CACNA2D1: variants seen among roughly 807,000 people sequenced by gnomAD.
The protein encoded by CACNA2D1 is voltage-dependent calcium channel subunit alpha-2/delta-1.
CACNA2D1 carries 53 observed loss-of-function variants against 171.5 expected under a neutral mutation model. The observed-to-expected ratio is 0.31, with a 90% confidence interval of 0.25 to 0.39. The LOEUF is 0.39. Ranked by LOEUF, CACNA2D1 falls within the 10% of genes least tolerant of loss-of-function variation. The pLI is 1.00. For missense variants in CACNA2D1, 903 were observed against 1,299.8 expected (o/e 0.69, Z 4.69); for synonymous variants, 442 against 443.1 (o/e 1.00, Z 0.03).
chr7:82,251,440 T>G (rs904625753), intron 3 of CACNA2D1, among the ~76,000 whole-genome samples: 1 of 152,160 alleles, frequency 6.6e-6, no homozygotes, highest in Non-Finnish European at 1.5e-5. Flanking sequence ...AACTTAAGAT[T>G]TGTGCATTTC....
chr7:82,092,343 T>C (rs1411800238), intron 6 of CACNA2D1, among the ~76,000 whole-genome samples: 1 of 152,060 alleles, frequency 6.6e-6, no homozygotes, highest in East Asian at 1.9e-4. Context: ...CTGAAGAAAA[T>C]ACAATATCTT....
At chr7:82,104,824 T>A (rs559354288) in intron 6 of CACNA2D1, among the ~76,000 whole-genome samples, 1 of 152,246 alleles carries the variant, frequency 6.6e-6, no homozygotes, top group Non-Finnish European at 1.5e-5. Flanking sequence ...GTGATGTGAC[T>A]ACAATATATC....
At chr7:82,071,460 C>A (rs1808309838) in intron 7 of CACNA2D1, among the ~76,000 whole-genome samples, 1 of 151,998 alleles carries the variant, frequency 6.6e-6, no homozygotes, top group Non-Finnish European at 1.5e-5. Context: ...TATATTTGGG[C>A]AGCAATGGGA....
chr7:82,382,638 G>T (rs1000340708), intron 1 of CACNA2D1, among the ~76,000 whole-genome samples: 1 of 152,162 alleles, frequency 6.6e-6, no homozygotes, highest in African/African-American at 2.4e-5. Flanking sequence ...ATCAGAGAAT[G>T]ACCTTTTATT....
At chr7:81,989,272 C>A (rs1359106051) in intron 21 of CACNA2D1, among the ~76,000 whole-genome samples, 1 of 152,150 alleles carries the variant, frequency 6.6e-6, no homozygotes, top group Admixed American at 6.6e-5. Context: ...CCACTGATGG[C>A]CGTGCCAGAC....
chr7:82,295,341 A>ATTT (rs10645184), intron 3 of CACNA2D1, among the ~76,000 whole-genome samples: 2,586 of 145,794 alleles, frequency 0.018, 67 homozygotes, highest in Middle Eastern at 0.068. Flanking sequence ...AGTAGCTTGT[A>ATTT]TTTTTTTTTT....
intron 10 of CACNA2D1, among the ~76,000 whole-genome samples, chr7:82,052,024 A>AT (rs1399356724): frequency 2.0e-5 from 3 of 152,218 alleles, no homozygotes; most frequent in African/African-American, 4.8e-5. Flanking sequence ...AATTACTGTT[A>AT]TTTTTAAAAA....
intron 4 of CACNA2D1, among the ~76,000 whole-genome samples, chr7:82,141,248 A>T (rs1325283482): frequency 2.0e-5 from 3 of 152,316 alleles, no homozygotes; most frequent in African/African-American, 7.2e-5. Flanking sequence ...AGAATTGGGA[A>T]AGGACAATTC....
intron 7 of CACNA2D1, among the ~76,000 whole-genome samples, chr7:82,079,379 A>G (rs1451025871): frequency 5.9e-5 from 9 of 152,104 alleles, no homozygotes; most frequent in South Asian, 4.2e-4. Context: ...TCAAGAATAT[A>G]ATTACTGTGG....
intron 10 of CACNA2D1, among the ~76,000 whole-genome samples, chr7:82,046,697 A>G (rs1251191738): frequency 6.6e-6 from 1 of 152,160 alleles, no homozygotes; most frequent in Non-Finnish European, 1.5e-5. Flanking sequence ...TAAATTCTGT[A>G]TATGTCTAAA....
intron 12 of CACNA2D1, among the ~76,000 whole-genome samples, chr7:82,021,907 G>A (rs367614888): frequency 1.3e-5 from 2 of 151,900 alleles, no homozygotes; most frequent in East Asian, 3.9e-4. Flanking sequence ...AGCAAAAAGT[G>A]CCTTTCTGGC....
At chr7:82,036,629 A>T (rs1052947641) in intron 11 of CACNA2D1, among the ~76,000 whole-genome samples, 3 of 152,182 alleles carry the variant, frequency 2.0e-5, no homozygotes, top group Admixed American at 6.6e-5. Context: ...ATGATTTAGC[A>T]CTCAGAGCAG....
chr7:82,010,078 A>G (rs927452486), intron 15 of CACNA2D1, among the ~76,000 whole-genome samples: 3 of 151,980 alleles, frequency 2.0e-5, no homozygotes, highest in Non-Finnish European at 2.9e-5. Flanking sequence ...AAAATCTTAC[A>G]CTAATATCAG....
intron 3 of CACNA2D1, among the ~76,000 whole-genome samples, chr7:82,187,710 A>G (rs1797907397): frequency 6.6e-6 from 1 of 152,154 alleles, no homozygotes; most frequent in East Asian, 1.9e-4. Context: ...CTATATGTAG[A>G]GTTTGACTTT....
intron 6 of CACNA2D1, among the ~76,000 whole-genome samples, chr7:82,113,653 T>C (rs1392883758): frequency 1.3e-5 from 2 of 152,192 alleles, no homozygotes; most frequent in Admixed American, 6.5e-5. Flanking sequence ...GGCTGTTTCC[T>C]TCAGTTAAGC....
At chr7:82,328,020 T>G (rs954815498) in intron 3 of CACNA2D1, among the ~76,000 whole-genome samples, 1 of 152,206 alleles carries the variant, frequency 6.6e-6, no homozygotes, top group African/African-American at 2.4e-5. Context: ...CAGCTCCATC[T>G]CACTGCCTTG....
intron 1 of CACNA2D1, among the ~76,000 whole-genome samples, chr7:82,371,562 C>T (rs1225782809): frequency 2.6e-5 from 4 of 151,942 alleles, no homozygotes; most frequent in Admixed American, 6.6e-5. Context: ...AATCTACAGC[C>T]CTAATTTTAT....
chr7:82,358,694 G>A (rs1241358190), intron 1 of CACNA2D1, among the ~76,000 whole-genome samples: 1 of 151,590 alleles, frequency 6.6e-6, no homozygotes, highest in Non-Finnish European at 1.5e-5. Flanking sequence ...CTGCTCGTGT[G>A]TGTGTGCGTG....
chr7:82,072,228 G>C (rs1226111398), intron 7 of CACNA2D1, among the ~76,000 whole-genome samples: 1 of 152,036 alleles, frequency 6.6e-6, no homozygotes, highest in African/African-American at 2.4e-5. Flanking sequence ...AGTACAATTG[G>C]AATGTTCATA....
Sources: gnomAD v4.1 joint callset for allele counts (sites outside exome capture counted in the v4.1 genomes callset) on GRCh38, gnomAD v4.1.1 for gene constraint, MANE v1.5 for transcripts, NCBI Gene and HGNC (gene_info 2026-07-23, HGNC 2026-07-21) for gene names.